The following RAB11FIP2 variants were observed in gnomAD, a reference collection of about 807,000 sequenced individuals.
RAB11FIP2 encodes the protein rab11 family-interacting protein 2.
In RAB11FIP2, 16 loss-of-function variants were observed where a neutral mutation model predicts 40.9. The observed-to-expected ratio is 0.39, with a 90% confidence interval of 0.26 to 0.59. RAB11FIP2 has a LOEUF of 0.59. RAB11FIP2 is among the 20% of genes least tolerant of loss of function. The pLI, the probability that RAB11FIP2 is intolerant of heterozygous loss-of-function variation, is 0.53. For synonymous variants in RAB11FIP2, 228 were observed against 213.7 expected (o/e 1.07, Z -0.58); for missense variants, 532 against 606.2 (o/e 0.88, Z 1.28).
intron 3 of RAB11FIP2, among the ~76,000 whole-genome samples, chr10:118,023,687 T>C (rs1315969212): frequency 6.6e-6 from 1 of 152,162 alleles, no homozygotes; most frequent in Non-Finnish European, 1.5e-5. Flanking sequence ...TAATGAATAA[T>C]AATGAATATG....
At position 118,036,812 on chromosome 10, in the gene RAB11FIP2, T is replaced by C. The variant is rs557953426; in HGVS notation, c.1265+2160A>G. 3.9e-5 allele frequency among the ~76,000 whole-genome samples: 6 copies of C among 152,248 alleles called. No homozygotes were observed. The East Asian group carries it at 1.2e-3, about 29-fold the overall frequency. ...TTCATACATCATAAAACAGCTCTAATTTTGCTAGAAACAGCCAATAATAAT... is the reference window on the plus strand; with the variant it reads ...TTCATACATCATAAAACAGCTCTAACTTTGCTAGAAACAGCCAATAATAAT... On this transcript the variant is annotated intron_variant, in intron 3 of 4. Transcript: ENST00000355624.
intron 3 of RAB11FIP2, among the ~76,000 whole-genome samples, chr10:118,038,757 A>G (rs1239199063): frequency 1.3e-5 from 2 of 152,144 alleles, no homozygotes; most frequent in Admixed American, 6.6e-5. Context: ...AGACCAGGAT[A>G]GAGAATAAGA....
In RAB11FIP2 at chr10:118,010,585, C is replaced by T. The variant is rs187044198; in HGVS notation, c.1312-1360G>A. ...CTCAGCCCAAGGAACCAGGACTTTACCAGACCAGAGAAAGAGAAGCTAGAG... is the reference window on the plus strand; with the variant it reads ...CTCAGCCCAAGGAACCAGGACTTTATCAGACCAGAGAAAGAGAAGCTAGAG... On this transcript the variant is annotated intron_variant, in intron 4 of 4. Transcript: ENST00000355624. 3.3e-5 allele frequency among the ~76,000 whole-genome samples: 5 copies of T among 152,190 alleles called. No homozygotes were observed. In the East Asian group the frequency reaches 9.7e-4, roughly 29 times the overall value.
chr10:118,040,524 T>C lies in RAB11FIP2; in HGVS notation c.395A>G (p.Asn132Ser). 3 of 1,610,398 alleles carry C rather than the reference T, an allele frequency of 1.9e-6. No homozygotes were observed. Among genetic ancestry groups the C allele is most frequent in the East Asian group, 2.2e-5 (1 of 44,838 alleles). ...LESKQGKRIK[N>S]RGEIKVNIQF... Reference sequence around the variant, plus strand: ...AATATTGACCTTTATCTCACCCCTGTTTTTGATTCGTTTTCCTTGTTTGGA... The same window carrying C: ...AATATTGACCTTTATCTCACCCCTGCTTTTGATTCGTTTTCCTTGTTTGGA... The change falls in exon 2 of 5, where the codon AAC (asparagine) becomes AGC (serine). Residue 132 changes from asparagine (N) to serine (S), a missense_variant. Physicochemically the swap from Asn to Ser is conservative, Grantham distance 46. Coordinates refer to ENST00000355624, the MANE Select transcript of RAB11FIP2 (RefSeq NM_014904.3).
chr10:118,009,541 TA>T (rs1300498435), intron 4 of RAB11FIP2, among the ~76,000 whole-genome samples: 1 of 152,082 alleles, frequency 6.6e-6, no homozygotes, highest in Non-Finnish European at 1.5e-5. Context: ...TAAATACAAC[TA>T]AAATAGATGA....
chr10:118,044,022 T>A (rs1235240962), intron 1 of RAB11FIP2, among the ~76,000 whole-genome samples: 1 of 152,238 alleles, frequency 6.6e-6, no homozygotes, highest in Non-Finnish European at 1.5e-5. Context: ...ACCCTGTTGA[T>A]AACATTTAAA....
rs567326238 is a variant in RAB11FIP2, at chr10:118,032,807, T to C, written c.1265+6165A>G. Among the ~76,000 whole-genome samples, 47 of 152,198 alleles carry C rather than the reference T, an allele frequency of 3.1e-4. 1 individual carries two copies. The highest frequency in any genetic ancestry group is 1.1e-3 in the African/African-American group (46 of 41,550). ...TCTGTACTGCCTGGGATGTGAATCA[T>C]CCCTTTGTTCAGTCCCTTTGTTCAG... On this transcript the variant is annotated intron_variant, in intron 3 of 4. Coordinates refer to ENST00000355624, the MANE Select transcript of RAB11FIP2 (RefSeq NM_014904.3).
intron 2 of RAB11FIP2, chr10:118,039,720 T>C (rs1846529938): frequency 1.0e-5 from 4 of 391,856 alleles, no homozygotes; most frequent in Non-Finnish European, 1.8e-5. Context: ...GTTGGCATGA[T>C]AATGTTAAAA....
Position 118,015,115 on chromosome 10 carries a change from T to C in RAB11FIP2, c.1266-5A>G, listed in dbSNP as rs1352098295. On this transcript the variant is annotated splice_polypyrimidine_tract_variant and splice_region_variant and intron_variant, in intron 3 of 4. Coordinates refer to ENST00000355624, the MANE Select transcript of RAB11FIP2 (RefSeq NM_014904.3). ...CTTGTTGGACTCATATGAAAACTAA[T>C]AAAACACAAACAAATGTTAAAAGTG... 5 of 1,603,290 alleles carry C rather than the reference T, an allele frequency of 3.1e-6. No individual in the cohort carries two copies. Among genetic ancestry groups the C allele is most frequent in the Non-Finnish European group, 4.3e-6 (5 of 1,174,018 alleles).
intron 3 of RAB11FIP2, among the ~76,000 whole-genome samples, chr10:118,030,959 G>A (rs1008324921): frequency 6.6e-6 from 1 of 152,060 alleles, no homozygotes; most frequent in Non-Finnish European, 1.5e-5. Context: ...AACTAATCAC[G>A]TTGCATACTT....
At chr10:118,036,623 T>C (rs1846484220) in intron 3 of RAB11FIP2, among the ~76,000 whole-genome samples, 1 of 152,126 alleles carries the variant, frequency 6.6e-6, no homozygotes, top group African/African-American at 2.4e-5. Context: ...ACCCCTTTAC[T>C]GCAAATGTTT....
rs777954965 is a variant in RAB11FIP2, at chr10:118,039,413, GTTC to G, written c.821_823del (p.Arg274del). 2 of 1,612,632 alleles carry G rather than the reference GTTC, an allele frequency of 1.2e-6. No individual in the cohort carries two copies. The highest frequency in any genetic ancestry group is 1.1e-5 in the South Asian group (1 of 91,006). ...CATTTTAGAAGTATCAAAGCTTAAT[GTTC>G]TTCTGTGTGGAGATTTGAGACTTCC... On this transcript the variant is annotated inframe_deletion, in exon 3 of 5. Transcript: ENST00000355624.
At chr10:118,011,155 G>A (rs920069553) in intron 4 of RAB11FIP2, among the ~76,000 whole-genome samples, 1 of 152,080 alleles carries the variant, frequency 6.6e-6, no homozygotes, top group African/African-American at 2.4e-5. Flanking sequence ...AGAATGAATA[G>A]AGAGGATATT....
At chr10:118,035,944 C>T (rs55732406) in intron 3 of RAB11FIP2, among the ~76,000 whole-genome samples, 3,540 of 152,088 alleles carry the variant, frequency 0.023, 134 homozygotes, top group African/African-American at 0.081. Context: ...TGCCTAACTT[C>T]CTCTATCAGT....
Position 118,044,630 on chromosome 10 carries a change from C to T in RAB11FIP2, c.353+1181G>A, listed in dbSNP as rs112054138. ...TTTCTGATCTCTCTACACTTTTACT[C>T]CACATATATTAAATCTTAGGTTAAG... On this transcript the variant is annotated intron_variant, in intron 1 of 4. Coordinates refer to ENST00000355624, the MANE Select transcript of RAB11FIP2 (RefSeq NM_014904.3). 5.2e-3 allele frequency among the ~76,000 whole-genome samples: 798 copies of T among 152,090 alleles called. 7 individuals carry two copies. Among genetic ancestry groups the T allele is most frequent in the African/African-American group, 0.019 (769 of 41,514 alleles).
intron 4 of RAB11FIP2, among the ~76,000 whole-genome samples, chr10:118,014,324 T>C (rs1382566456): frequency 1.3e-5 from 2 of 152,156 alleles, no homozygotes; most frequent in Admixed American, 1.3e-4. Flanking sequence ...AAAGCCTCTA[T>C]TTCTGTTATT....
At chr10:118,041,015 AT>A (rs1192277257) in intron 1 of RAB11FIP2, among the ~76,000 whole-genome samples, 1 of 152,106 alleles carries the variant, frequency 6.6e-6, no homozygotes, top group African/African-American at 2.4e-5. Context: ...ATCTCATGAC[AT>A]TTTAATACAA....
At chr10:118,036,037 C>A (rs750299459) in intron 3 of RAB11FIP2, among the ~76,000 whole-genome samples, 1 of 151,900 alleles carries the variant, frequency 6.6e-6, no homozygotes, top group Admixed American at 6.6e-5. Flanking sequence ...TTTCTTCAGG[C>A]GGACTTTACT....
intron 3 of RAB11FIP2, among the ~76,000 whole-genome samples, chr10:118,023,819 T>A (rs1589641964): frequency 6.6e-6 from 1 of 152,230 alleles, no homozygotes; most frequent in South Asian, 2.1e-4. Flanking sequence ...AGAACAGAAA[T>A]AGGGGCTCAC....
Sources: allele counts gnomAD v4.1 joint callset (sites outside exome capture counted in the v4.1 genomes callset), GRCh38; gene constraint gnomAD v4.1.1; transcripts MANE v1.5; gene names NCBI Gene and HGNC (gene_info 2026-07-23, HGNC 2026-07-21).